Variants in SPAG11B observed in about 807,000 individuals in gnomAD.
SPAG11B encodes sperm-associated antigen 11B.
In SPAG11B, 5 loss-of-function variants were observed where a neutral mutation model predicts 8.9. That is an observed-to-expected ratio of 0.56 (90% confidence interval 0.29 to 1.19). SPAG11B has a LOEUF of 1.19. Among genes scored for constraint, SPAG11B ranks in the 50% most tolerant of loss-of-function variants. SPAG11B has a pLI of 0.08. For synonymous variants in SPAG11B, 12 were observed against 53.0 expected (o/e 0.23, Z 3.36); for missense variants, 38 against 146.4 (o/e 0.26, Z 3.82).
At chr8:7,450,160 T>A (rs973546376), downstream of SPAG11B, among the ~76,000 whole-genome samples, 2 of 128,334 alleles carry the variant, frequency 1.6e-5, no homozygotes, top group African/African-American at 6.2e-5. Context: ...CTTTCATTCC[T>A]AAAATGGACC....
At chr8:7,451,369 C>G (rs1351946315) in intron 2 of SPAG11B, among the ~76,000 whole-genome samples, 2 of 129,722 alleles carry the variant, frequency 1.5e-5, no homozygotes, top group African/African-American at 6.1e-5. Flanking sequence ...TCACCAGGAC[C>G]TGTGGGCTTG....
downstream of SPAG11B, chr8:7,447,806 C>T (rs1350416330): frequency 8.0e-6 from 3 of 373,780 alleles, no homozygotes; most frequent in Admixed American, 5.5e-5. Context: ...GATCATACTC[C>T]GGTCTCTCAC....
At chr8:7,453,658 G>C (rs1386003956) in intron 2 of SPAG11B, among the ~76,000 whole-genome samples, 1 of 150,118 alleles carries the variant, frequency 6.7e-6, no homozygotes, top group African/African-American at 2.5e-5. Context: ...GTCTTACCTA[G>C]ACATGGATTT....
rs1371824540 is a variant in SPAG11B at position 7,450,756 on chromosome 8, T to A, written c.359A>T (p.Glu120Val). The A allele has an allele frequency of 1.9e-6, 3 of 1,604,846 alleles. No individual in the cohort carries two copies. The African/African-American group carries it at 4.1e-5, about 22-fold the overall frequency. Residue 120 changes from glutamate (E) to valine (V), a missense_variant, in exon 3 of 3, where the codon GAA becomes GTA. By Grantham distance (121) the Glu-to-Val change is moderately radical (BLOSUM62 -2). Transcript: ENST00000398462. The stretch of plus-strand genomic sequence containing the variant: ...ATCCATCTCTGGTTTCTCTTTTCCT[T>A]CTTCATCTGTATTTGATACGCAACA... The part of the protein sequence containing the change: ...NRCCVSNTDE[E>V]GKEKPEMDGR...
chr8:7,462,084 C>T (rs2128876281), intron 2 of SPAG11B, among the ~76,000 whole-genome samples: 1 of 57,104 alleles, frequency 1.8e-5, no homozygotes, highest in East Asian at 4.4e-4. Flanking sequence ...TTGGAAACTA[C>T]AGGCTCTTCC....
chr8:7,448,289 C>A, downstream of SPAG11B, among the ~76,000 whole-genome samples: 1 of 70,298 alleles, frequency 1.4e-5, no homozygotes, highest in Admixed American at 1.7e-4. Flanking sequence ...TGCCCAGCTT[C>A]AGAACAAGTG....
At chr8:7,453,279 A>G (rs1273865370) in intron 2 of SPAG11B, among the ~76,000 whole-genome samples, 8 of 143,668 alleles carry the variant, frequency 5.6e-5, no homozygotes, top group Non-Finnish European at 1.2e-4. Flanking sequence ...CAGTGGATAA[A>G]TCTGCACATT....
chr8:7,453,569 C>T (rs1330096343), intron 2 of SPAG11B, among the ~76,000 whole-genome samples: 3 of 149,108 alleles, frequency 2.0e-5, no homozygotes, highest in African/African-American at 7.6e-5. Context: ...TGTTATTCTT[C>T]AGATTAGACA....
At chr8:7,452,878 T>G (rs1212063113) in intron 2 of SPAG11B, among the ~76,000 whole-genome samples, 8 of 132,646 alleles carry the variant, frequency 6.0e-5, no homozygotes, top group African/African-American at 2.4e-4. Flanking sequence ...ACAATGTATT[T>G]CCACACCACA....
In SPAG11B at chr8:7,451,706, G is replaced by T. The variant is rs1373297700; in HGVS notation, c.215-806C>A. On this transcript the variant is annotated intron_variant, in intron 2 of 2. Coordinates refer to ENST00000398462, the MANE Select transcript of SPAG11B (RefSeq NM_058201.4). The stretch of plus-strand genomic sequence containing the variant: ...GAAGAGCCCCCAGCCTGGAAGCGTG[G>T]AGACCTGGATTCTGGTCTTACTTCT... Among the ~76,000 whole-genome samples the T allele has an allele frequency of 6.1e-5, 7 of 115,486 alleles. No individual in the cohort carries two copies. In the South Asian group the frequency reaches 1.8e-3, roughly 30 times the overall value. 75.8% of individuals were successfully genotyped at this position (115,486 alleles called of 152,430 possible).
downstream of SPAG11B, among the ~76,000 whole-genome samples, chr8:7,450,050 A>G (rs1173892465): frequency 2.4e-5 from 3 of 124,438 alleles, 1 homozygote. Context: ...TTTTAGAAGG[A>G]TCATAGAAGA....
At chr8:7,450,963 C>T (rs1810106202) in intron 2 of SPAG11B, 63 bp from the exon 3 acceptor site, 1 of 1,534,528 alleles carries the variant, frequency 6.5e-7, no homozygotes, top group Non-Finnish European at 8.8e-7. Context: ...AGAAGATGAC[C>T]CCAGCCCGCT....
Position 7,450,971 on chromosome 8 carries a change from G to A in SPAG11B, c.215-71C>T, listed in dbSNP as rs2738036. Reference sequence around the variant, plus strand: ...AGAGAATAGAAGATGACCCCAGCCCGCTGCCAAGGGTTATATATTCTGACA... The same window carrying A: ...AGAGAATAGAAGATGACCCCAGCCCACTGCCAAGGGTTATATATTCTGACA... On this transcript the variant is annotated intron_variant, in intron 2 of 2. Coordinates refer to ENST00000398462, the MANE Select transcript of SPAG11B (RefSeq NM_058201.4). 178 of 1,529,018 alleles carry A rather than the reference G, an allele frequency of 1.2e-4. 10 individuals are homozygous for A. The East Asian group carries it at 2.3e-3, about 20-fold the overall frequency. 94.7% of individuals were successfully genotyped at this position (1,529,018 alleles called of 1,614,324 possible).
At chr8:7,453,517 T>C (rs1421617881) in intron 2 of SPAG11B, among the ~76,000 whole-genome samples, 1 of 147,726 alleles carries the variant, frequency 6.8e-6, no homozygotes, top group Non-Finnish European at 1.5e-5. Flanking sequence ...CTAGATATCA[T>C]TCTGGACTTG....
At chr8:7,458,740 C>T (rs1443451404) in intron 2 of SPAG11B, among the ~76,000 whole-genome samples, 1 of 105,324 alleles carries the variant, frequency 9.5e-6, no homozygotes, top group Non-Finnish European at 1.8e-5. Flanking sequence ...AAGTAGAGAA[C>T]AAAAGGGAAA....
intron 2 of SPAG11B, among the ~76,000 whole-genome samples, chr8:7,459,461 A>C (rs1295826436): frequency 6.8e-6 from 1 of 147,220 alleles, no homozygotes; most frequent in Non-Finnish European, 1.5e-5. Context: ...CCATGGACTA[A>C]TTGAAAGACT....
chr8:7,457,068 C>T (rs1235888020), intron 2 of SPAG11B, among the ~76,000 whole-genome samples: 1 of 111,432 alleles, frequency 9.0e-6, no homozygotes, highest in African/African-American at 3.7e-5. Flanking sequence ...CCCTGGGTAA[C>T]ATGCTTTAAA....
downstream of SPAG11B, among the ~76,000 whole-genome samples, chr8:7,449,568 GAC>G (rs1809999658): frequency 6.7e-6 from 1 of 149,924 alleles, no homozygotes. Context: ...GCCTAAGAGA[GAC>G]TTACTCTGTG....
At chr8:7,459,173 G>A (rs1479108169) in intron 2 of SPAG11B, among the ~76,000 whole-genome samples, 2 of 48,504 alleles carry the variant, frequency 4.1e-5, no homozygotes, top group Non-Finnish European at 6.7e-5. Context: ...AGCCAAAATC[G>A]CACCATTGCA....
Sources: allele counts gnomAD v4.1 joint callset (sites outside exome capture counted in the v4.1 genomes callset), GRCh38; gene constraint gnomAD v4.1.1; transcripts MANE v1.5; gene names NCBI Gene and HGNC (gene_info 2026-07-23, HGNC 2026-07-21).